AKAP19: variants seen among roughly 807,000 people sequenced by gnomAD.
AKAP19 encodes A-kinase anchoring protein 19.
At chr2:189,972,623 A>G in the AKAP19 span, among the ~76,000 whole-genome samples, 166 of 152,196 alleles carry the variant, frequency 1.1e-3, 1 homozygote, top group African/African-American at 3.9e-3. Flanking sequence ...AGCATGGAAT[A>G]TTCTTCCATT....
chr2:190,099,928 A>T, the AKAP19 span, among the ~76,000 whole-genome samples: 1 of 152,328 alleles, frequency 6.6e-6, no homozygotes, highest in South Asian at 2.1e-4. Flanking sequence ...AAGTCCCCCT[A>T]GTATTAGAAT....
the AKAP19 span, among the ~76,000 whole-genome samples, chr2:190,167,907 T>C: frequency 2.0e-5 from 3 of 152,154 alleles, no homozygotes; most frequent in African/African-American, 7.2e-5. Flanking sequence ...TAGCTGTCAG[T>C]GGATCTACTA....
the AKAP19 span, among the ~76,000 whole-genome samples, chr2:190,172,215 A>T: frequency 6.6e-6 from 1 of 152,138 alleles, no homozygotes; most frequent in East Asian, 1.9e-4. Context: ...CATGGTTCAG[A>T]TCCAAACTTA....
At chr2:190,136,589 C>T in the AKAP19 span, among the ~76,000 whole-genome samples, 8 of 152,180 alleles carry the variant, frequency 5.3e-5, no homozygotes, top group Non-Finnish European at 1.0e-4. Flanking sequence ...TCTTTGCCCT[C>T]TGCCTCAGGG....
chr2:189,960,780 T>C, the AKAP19 span, among the ~76,000 whole-genome samples: 1 of 151,928 alleles, frequency 6.6e-6, no homozygotes, highest in Non-Finnish European at 1.5e-5. Context: ...GTCAGGGGAG[T>C]AAGGTCCCTG....
chr2:189,880,603 A>G, the AKAP19 span, among the ~76,000 whole-genome samples: 2 of 152,250 alleles, frequency 1.3e-5, no homozygotes, highest in Non-Finnish European at 2.9e-5. Flanking sequence ...CACTTCACGT[A>G]AGATACTGTG....
At chr2:190,022,211 G>A in the AKAP19 span, among the ~76,000 whole-genome samples, 1 of 152,050 alleles carries the variant, frequency 6.6e-6, no homozygotes, top group East Asian at 1.9e-4. Flanking sequence ...ATTTTGGAGG[G>A]AACAAATATT....
the AKAP19 span, among the ~76,000 whole-genome samples, chr2:190,130,978 A>G: frequency 6.6e-6 from 1 of 152,212 alleles, no homozygotes; most frequent in African/African-American, 2.4e-5. Flanking sequence ...TAAGGGGTCC[A>G]TGGCCAGAGA....
chr2:189,947,416 C>T, the AKAP19 span, among the ~76,000 whole-genome samples: 1 of 152,080 alleles, frequency 6.6e-6, no homozygotes, highest in African/African-American at 2.4e-5. Context: ...CAATTTTAAA[C>T]TATTTCACTA....
the AKAP19 span, among the ~76,000 whole-genome samples, chr2:189,946,339 C>T: frequency 3.3e-5 from 5 of 152,162 alleles, no homozygotes; most frequent in African/African-American, 1.2e-4. Flanking sequence ...AAGCTGGGAG[C>T]AGGCTCATGC....
At chr2:190,081,094 A>T in the AKAP19 span, among the ~76,000 whole-genome samples, 1 of 152,214 alleles carries the variant, frequency 6.6e-6, no homozygotes, top group Non-Finnish European at 1.5e-5. Context: ...GTCTGCAGAA[A>T]GGAATGGCCC....
chr2:190,126,426 G>GTATCCTTT, the AKAP19 span, among the ~76,000 whole-genome samples: 1 of 144,284 alleles, frequency 6.9e-6, no homozygotes. Flanking sequence ...TTACCTGAAA[G>GTATCCTTT]TATCCTTTAC....
the AKAP19 span, among the ~76,000 whole-genome samples, chr2:189,906,785 C>G: frequency 4.6e-5 from 7 of 152,104 alleles, 1 homozygote; most frequent in South Asian, 1.5e-3. Context: ...TCATGCAACA[C>G]TTAAATAAAT....
At chr2:189,957,409 T>G in the AKAP19 span, among the ~76,000 whole-genome samples, 1 of 152,176 alleles carries the variant, frequency 6.6e-6, no homozygotes. Flanking sequence ...TCCCCCATAT[T>G]TTATTACAGT....
chr2:190,123,670 A>C, the AKAP19 span, among the ~76,000 whole-genome samples: 1 of 152,232 alleles, frequency 6.6e-6, no homozygotes, highest in African/African-American at 2.4e-5. Context: ...TTGACTACAG[A>C]AAGCCCACCC....
chr2:189,998,753 T>C, the AKAP19 span, among the ~76,000 whole-genome samples: 1 of 84,718 alleles, frequency 1.2e-5, no homozygotes, highest in African/African-American at 4.7e-5. Context: ...TTTCTCTTCT[T>C]TCTTTCTTTC....
At chr2:190,202,584 T>C in the AKAP19 span, 3 of 167,018 alleles carry the variant, frequency 1.8e-5, no homozygotes, top group Non-Finnish European at 2.9e-5. Context: ...TATTGAAATA[T>C]GGGCTTTACT....
the AKAP19 span, among the ~76,000 whole-genome samples, chr2:189,989,592 C>A: frequency 6.6e-6 from 1 of 151,938 alleles, no homozygotes; most frequent in Non-Finnish European, 1.5e-5. Flanking sequence ...GAAAGGGTCA[C>A]AACATAAAAT....
At chr2:190,023,957 A>G in the AKAP19 span, among the ~76,000 whole-genome samples, 2 of 151,964 alleles carry the variant, frequency 1.3e-5, no homozygotes. Context: ...TCATCGAAGT[A>G]AGGGGAAAAA....
Sources: gnomAD v4.1 joint callset for allele counts (sites outside exome capture counted in the v4.1 genomes callset) on GRCh38, gnomAD v4.1.1 for gene constraint, MANE v1.5 for transcripts, NCBI Gene and HGNC (gene_info 2026-07-23, HGNC 2026-07-21) for gene names.